Variants in MIR2052HG observed in about 807,000 individuals in gnomAD.
MIR2052HG encodes the protein MIR2052 host gene.
At chr8:74,715,954 G>A (rs1044242853) in intron 4 of MIR2052HG, among the ~76,000 whole-genome samples, 2 of 152,172 alleles carry the variant, frequency 1.3e-5, no homozygotes, top group Non-Finnish European at 1.5e-5. Flanking sequence ...TCTAAATGCT[G>A]CTGTCTTAGC....
intron 2 of MIR2052HG, among the ~76,000 whole-genome samples, chr8:74,676,268 T>G (rs772123021): frequency 1.3e-5 from 2 of 151,964 alleles, no homozygotes; most frequent in Non-Finnish European, 2.9e-5. Flanking sequence ...AGCAGATAAA[T>G]TAATAATAAA....
At chr8:74,628,760 A>G (rs1244062440) in intron 2 of MIR2052HG, 1 of 152,204 alleles carries the variant, frequency 6.6e-6, no homozygotes, top group Non-Finnish European at 1.5e-5. Context: ...GAAATATTAG[A>G]AGGTATAATT....
chr8:74,723,821 T>G (rs1456210810), intron 4 of MIR2052HG, among the ~76,000 whole-genome samples: 1 of 152,210 alleles, frequency 6.6e-6, no homozygotes, highest in Non-Finnish European at 1.5e-5. Context: ...CAGATCAGCC[T>G]AATTTCTGCA....
chr8:74,707,959 T>A (rs1271558878), intron 4 of MIR2052HG, among the ~76,000 whole-genome samples: 1 of 151,950 alleles, frequency 6.6e-6, no homozygotes, highest in African/African-American at 2.4e-5. Flanking sequence ...TGAAAAGAAC[T>A]CTCCTTGGAA....
chr8:74,636,808 C>A (rs1044193409), intron 2 of MIR2052HG, among the ~76,000 whole-genome samples: 4 of 151,836 alleles, frequency 2.6e-5, no homozygotes, highest in Non-Finnish European at 5.9e-5. Flanking sequence ...TATGTGTTAA[C>A]ATGCTAGATA....
intron 4 of MIR2052HG, among the ~76,000 whole-genome samples, chr8:74,725,699 C>T (rs932437671): frequency 2.6e-5 from 4 of 152,068 alleles, no homozygotes; most frequent in South Asian, 2.1e-4. Context: ...TGCTAAAGCC[C>T]GGAAGGTCAT....
chr8:74,712,397 G>C (rs1173300656), intron 4 of MIR2052HG, among the ~76,000 whole-genome samples: 1 of 152,122 alleles, frequency 6.6e-6, no homozygotes, highest in East Asian at 1.9e-4. Context: ...AAAAATGGGA[G>C]GAAACTCAGC....
At chr8:74,616,456 A>C (rs868731112) in intron 2 of MIR2052HG, among the ~76,000 whole-genome samples, 13 of 150,534 alleles carry the variant, frequency 8.6e-5, no homozygotes, top group Non-Finnish European at 1.8e-4. Flanking sequence ...TATATATATA[A>C]TTATTTATCA....
chr8:74,633,802 A>G, intron 2 of MIR2052HG, among the ~76,000 whole-genome samples: 1 of 152,216 alleles, frequency 6.6e-6, no homozygotes, highest in East Asian at 1.9e-4. Flanking sequence ...GGTTATAAAG[A>G]CATTCAGAGA....
chr8:74,604,103 T>C lies in MIR2052HG; in HGVS notation n.128+4195T>C, dbSNP rs542717250. 16 of 927,672 alleles carry C rather than the reference T, an allele frequency of 1.7e-5. No individual in the cohort carries two copies. In the Admixed American group the frequency reaches 1.9e-4, roughly 11 times the overall value. 57.5% of individuals were successfully genotyped at this position (927,672 alleles called of 1,614,324 possible). On this transcript the variant is annotated intron_variant and non_coding_transcript_variant, in intron 1 of 6. Transcript: ENST00000523442. ...TCAGGACAATTCCCTTCTGAGATGT[T>C]GATAGGTGCACCACTCTCCTCGCGC...
chr8:74,744,477 C>T (rs1410246656), intron 4 of MIR2052HG, among the ~76,000 whole-genome samples: 1 of 151,806 alleles, frequency 6.6e-6, no homozygotes, highest in Non-Finnish European at 1.5e-5. Flanking sequence ...CGTCCCCCCT[C>T]CCCCTACCCC....
intron 4 of MIR2052HG, among the ~76,000 whole-genome samples, chr8:74,719,075 T>C (rs894829848): frequency 1.1e-4 from 10 of 95,172 alleles, no homozygotes; most frequent in Admixed American, 2.0e-4. Flanking sequence ...TCCGTGTACA[T>C]CTTTTTTTTT....
At chr8:74,723,089 T>G (rs1809595584) in intron 4 of MIR2052HG, among the ~76,000 whole-genome samples, 1 of 152,236 alleles carries the variant, frequency 6.6e-6, no homozygotes, top group African/African-American at 2.4e-5. Flanking sequence ...TGCATTGGTT[T>G]TAGCCAAACT....
chr8:74,669,178 A>G (rs1396858840), intron 2 of MIR2052HG, among the ~76,000 whole-genome samples: 1 of 152,190 alleles, frequency 6.6e-6, no homozygotes, highest in Non-Finnish European at 1.5e-5. Flanking sequence ...GCCAAAATCT[A>G]CTTGTATCAG....
rs533597094 is a variant in MIR2052HG, at chr8:74,706,718, T to G, written n.371+3036T>G. Among the ~76,000 whole-genome samples the G allele has an allele frequency of 2.0e-5, 3 of 152,220 alleles. No individual in the cohort carries two copies. The South Asian group carries it at 6.2e-4, about 32-fold the overall frequency. ...ACAGCAAAATCCATGCTTAACCAAT[T>G]GTAAAAATAAGAAAACCTGAAAACA... On this transcript the variant is annotated intron_variant and non_coding_transcript_variant, in intron 4 of 6. Transcript: ENST00000523442.
intron 4 of MIR2052HG, among the ~76,000 whole-genome samples, chr8:74,725,124 G>GA (rs1375212877): frequency 4.0e-5 from 6 of 151,796 alleles, no homozygotes; most frequent in Admixed American, 2.0e-4. Flanking sequence ...AGAGAGTAGG[G>GA]AAAAAAAGGT....
chr8:74,723,947 A>G (rs1809606947), intron 4 of MIR2052HG, among the ~76,000 whole-genome samples: 1 of 152,220 alleles, frequency 6.6e-6, no homozygotes, highest in South Asian at 2.1e-4. Context: ...AGCATTTTGC[A>G]TTCAGCATCC....
chr8:74,756,798 A>G (rs1034600550), intron 5 of MIR2052HG: 2 of 152,194 alleles, frequency 1.3e-5, no homozygotes, highest in Admixed American at 6.5e-5. Flanking sequence ...AAGAAAAAAT[A>G]TGTGTTGCCT....
intron 2 of MIR2052HG, among the ~76,000 whole-genome samples, chr8:74,695,497 A>C (rs1345571386): frequency 6.6e-6 from 1 of 152,268 alleles, no homozygotes; most frequent in East Asian, 1.9e-4. Flanking sequence ...TAAATGCTCC[A>C]CTTAAAGGAT....
Sources: allele counts gnomAD v4.1 joint callset (sites outside exome capture counted in the v4.1 genomes callset), GRCh38; gene constraint gnomAD v4.1.1; transcripts MANE v1.5; gene names NCBI Gene and HGNC (gene_info 2026-07-23, HGNC 2026-07-21).